The following KMT2C variants were observed in gnomAD, a reference collection of about 807,000 sequenced individuals.
KMT2C encodes histone-lysine N-methyltransferase 2C.
A neutral mutation model predicts 507.9 loss-of-function variants in KMT2C; 88 were observed. That is an observed-to-expected ratio of 0.17 (90% CI 0.15 to 0.21). The LOEUF is 0.21. KMT2C is among the 10% of genes least tolerant of loss of function. KMT2C has a pLI of 1.00. For synonymous variants in KMT2C, 2,049 were observed against 2,080.8 expected, an observed-to-expected ratio of 0.98 and a Z score of 0.42; for missense variants, 4,954 against 5,957.8, an observed-to-expected ratio of 0.83 and a Z score of 5.55.
intron 1 of KMT2C, among the ~76,000 whole-genome samples, chr7:152,393,481 T>G (rs981510434): frequency 1.3e-5 from 2 of 152,118 alleles, no homozygotes; most frequent in African/African-American, 4.8e-5. Flanking sequence ...ACCTAACCAA[T>G]AGCCACTCCC....
intron 42 of KMT2C, among the ~76,000 whole-genome samples, chr7:152,166,850 G>A (rs1014692478): frequency 4.6e-5 from 7 of 152,050 alleles, no homozygotes; most frequent in African/African-American, 1.7e-4. Flanking sequence ...AAAAAATAAC[G>A]TCTCCAACTA....
rs2129121622 is a variant in KMT2C at position 152,183,144 on chromosome 7, C to A, written c.5095G>T (p.Asp1699Tyr). Residue 1699 changes from aspartate (D) to tyrosine (Y), a missense_variant, in exon 35 of 59, where the codon GAT becomes TAT. Coordinates refer to ENST00000262189, the MANE Select transcript of KMT2C (RefSeq NM_170606.3). ...ERAPYVQKAR[D>Y]NRAALRINKV... ...TTAATGCGTAAAGCAGCTCTGTTAT[C>A]TCTGGCTTTTTGCTTTGACAAAAGA... 6.4e-7 allele frequency: 1 copy of A among 1,553,896 alleles called. No homozygotes were observed. Among genetic ancestry groups the A allele is most frequent in the Non-Finnish European group, 8.6e-7 (1 of 1,156,728 alleles).
chr7:152,430,298 T>C lies in KMT2C; in HGVS notation c.161+5328A>G, dbSNP rs544759768. On this transcript the variant is annotated intron_variant, in intron 1 of 58. Transcript: ENST00000262189. ...AGCACAAACATGATAAAGAAAATTT[T>C]TAAAGAGAAAAGGAAGAGATTAATC... is the stretch of plus-strand genomic sequence containing the variant. 1.6e-4 allele frequency among the ~76,000 whole-genome samples: 25 copies of C among 151,992 alleles called. 2 individuals are homozygous for C. In the South Asian group the frequency reaches 5.2e-3, roughly 32 times the overall value.
chr7:152,281,295 T>C (rs1417004064), intron 6 of KMT2C, among the ~76,000 whole-genome samples: 1 of 152,096 alleles, frequency 6.6e-6, no homozygotes, highest in East Asian at 1.9e-4. Context: ...ATGAGTATAA[T>C]TTTAAAATAG....
chr7:152,315,017 TG>T, intron 4 of KMT2C, 120 bp downstream of exon 4: 1 of 772,462 alleles, frequency 1.3e-6, no homozygotes, highest in Non-Finnish European at 2.1e-6. Context: ...CCCATAAATG[TG>T]GAGAACAGGA....
chr7:152,409,108 G>A (rs1209204010), intron 1 of KMT2C, among the ~76,000 whole-genome samples: 8 of 151,660 alleles, frequency 5.3e-5, no homozygotes, highest in Non-Finnish European at 1.2e-4. Context: ...AGCTCAACCT[G>A]ATCCTTCCAC....
chr7:152,311,986 C>G (rs2129200658), intron 4 of KMT2C, 40 bp from the exon 5 acceptor site: 1 of 1,491,472 alleles, frequency 6.7e-7, no homozygotes, highest in African/African-American at 1.4e-5. Context: ...TGAAAACAAG[C>G]AGAAAATTGT....
Position 152,358,511 on chromosome 7 carries a change from T to C in KMT2C, c.250+76A>G, listed in dbSNP as rs1437911677. On this transcript the variant is annotated intron_variant, in intron 2 of 58. Coordinates refer to ENST00000262189, the MANE Select transcript of KMT2C (RefSeq NM_170606.3). ...AAATGCTTAACACAGAATATTGTTA[T>C]ACAAATGCTACATGCAGTGTACAAA... The C allele has an allele frequency of 1.4e-5, 13 of 906,758 alleles. No homozygotes were observed. In the South Asian group the frequency reaches 1.5e-4, roughly 11 times the overall value. The allele number at this position is 906,758 out of a possible 1,614,324, so 56.2% of individuals were successfully genotyped here.
chr7:152,387,618 C>T (rs2097443222), intron 1 of KMT2C, among the ~76,000 whole-genome samples: 1 of 152,134 alleles, frequency 6.6e-6, no homozygotes, highest in Non-Finnish European at 1.5e-5. Context: ...CTACAGGCGC[C>T]CACCACCATA....
chr7:152,336,384 T>C (rs893924593), intron 2 of KMT2C, among the ~76,000 whole-genome samples: 3 of 152,088 alleles, frequency 2.0e-5, no homozygotes, highest in African/African-American at 7.2e-5. Flanking sequence ...CTTCAAACAA[T>C]TGTCAGAGTT....
At chr7:152,375,166 A>G (rs2097318908) in intron 1 of KMT2C, among the ~76,000 whole-genome samples, 1 of 151,768 alleles carries the variant, frequency 6.6e-6, no homozygotes, top group Non-Finnish European at 1.5e-5. Context: ...CCTCAGCCTC[A>G]TGAGTAGCTG....
chr7:152,237,812 T>C (rs2095308842), intron 15 of KMT2C, among the ~76,000 whole-genome samples: 1 of 152,162 alleles, frequency 6.6e-6, no homozygotes, highest in Non-Finnish European at 1.5e-5. Context: ...GTTTGTTTTG[T>C]TTTTAAATTG....
chr7:152,238,276 TG>T (rs2129157383), intron 15 of KMT2C, among the ~76,000 whole-genome samples: 1 of 152,426 alleles, frequency 6.6e-6, no homozygotes, highest in African/African-American at 2.4e-5. Flanking sequence ...ACCAATGTCA[TG>T]GGGGAAAAAG....
chr7:152,332,678 GTC>G (rs2096894870), intron 2 of KMT2C, among the ~76,000 whole-genome samples: 1 of 152,032 alleles, frequency 6.6e-6, no homozygotes, highest in Admixed American at 6.6e-5. Flanking sequence ...GTGAAACCCT[GTC>G]TCTACTAAAA....
chr7:152,197,084 G>A (rs1179628199), intron 27 of KMT2C, among the ~76,000 whole-genome samples: 1 of 152,142 alleles, frequency 6.6e-6, no homozygotes, highest in African/African-American at 2.4e-5. Context: ...GCAGATGAGG[G>A]GTGGGAATTA....
rs938826373 is a variant in KMT2C at position 152,308,673 on chromosome 7, C to CAAAAAAAAA, written c.849+1284_849+1292dup. On this transcript the variant is annotated intron_variant, in intron 6 of 58. Transcript: ENST00000262189. ...CTGCACAACACAGCAAAACTCCTCT[C>CAAAAAAAAA]AAAAAAAAAAAAAAAAAAAAAAAAA... Among the ~76,000 whole-genome samples the CAAAAAAAAA allele has an allele frequency of 1.6e-3, 39 of 24,562 alleles. 2 individuals are homozygous for CAAAAAAAAA. Among genetic ancestry groups the CAAAAAAAAA allele is most frequent in the African/African-American group, 5.2e-3 (35 of 6,728 alleles). 16.1% of individuals were successfully genotyped at this position (24,562 alleles called of 152,430 possible).
chr7:152,382,178 A>AGC (rs2097379934), intron 1 of KMT2C, among the ~76,000 whole-genome samples: 15 of 152,222 alleles, frequency 9.9e-5, no homozygotes, highest in Non-Finnish European at 1.5e-4. Flanking sequence ...AGATACATAA[A>AGC]CAACCTTTCC....
chr7:152,225,381 T>C (rs1489275523), intron 18 of KMT2C, among the ~76,000 whole-genome samples: 2 of 151,884 alleles, frequency 1.3e-5, no homozygotes, highest in African/African-American at 2.4e-5. Context: ...GAGAAGAAAA[T>C]AAAAGAGTTA....
chr7:152,428,232 C>A (rs2097838887), intron 1 of KMT2C, among the ~76,000 whole-genome samples: 1 of 151,880 alleles, frequency 6.6e-6, no homozygotes, highest in African/African-American at 2.4e-5. Context: ...CCTGGTGGTC[C>A]GCAGATTAAA....
Sources: gnomAD v4.1 joint callset for allele counts (sites outside exome capture counted in the v4.1 genomes callset) on GRCh38, gnomAD v4.1.1 for gene constraint, MANE v1.5 for transcripts, NCBI Gene and HGNC (gene_info 2026-07-23, HGNC 2026-07-21) for gene names.